Variants in COX10 observed in about 807,000 individuals in gnomAD.
The protein encoded by COX10 is protoheme IX farnesyltransferase, mitochondrial.
Under a neutral mutation model 37.3 loss-of-function variants are expected in COX10, and 27 were observed. The observed-to-expected ratio is 0.72, with a 90% CI of 0.53 to 1.00. COX10 has a LOEUF of 1.00. COX10 is among the 50% of genes least tolerant of loss of function. The probability of loss-of-function intolerance (pLI) is 0.00; values close to 1 mark genes in which losing one functional copy is unlikely to be tolerated. For synonymous variants in COX10, 222 were observed against 229.1 expected (o/e 0.97, Z 0.28); for missense variants, 475 against 563.2 (o/e 0.84, Z 1.59).
chr17:14,176,591 G>A (rs1238585171), intron 5 of COX10, among the ~76,000 whole-genome samples: 2 of 152,096 alleles, frequency 1.3e-5, no homozygotes, highest in Non-Finnish European at 2.9e-5. Context: ...AGTGAACACA[G>A]TCATTATTTT....
intron 3 of COX10, among the ~76,000 whole-genome samples, chr17:14,079,850 ATATATATATG>A (rs1248528634): frequency 3.5e-5 from 1 of 28,982 alleles, no homozygotes; most frequent in Non-Finnish European, 6.7e-5. Context: ...TTTTATATAT[ATATATATATG>A]TATGTATGTA....
At chr17:14,090,103 T>G (rs1446176109) in intron 3 of COX10, among the ~76,000 whole-genome samples, 1 of 151,906 alleles carries the variant, frequency 6.6e-6, no homozygotes, top group Admixed American at 6.6e-5. Context: ...GGGGTCCTCT[T>G]AGATTCTGCA....
intron 4 of COX10, among the ~76,000 whole-genome samples, chr17:14,146,038 G>T (rs1304521603): frequency 6.6e-6 from 1 of 152,004 alleles, no homozygotes; most frequent in African/African-American, 2.4e-5. Context: ...CATTTTGGTA[G>T]AATTTTTTTA....
intron 6 of COX10, among the ~76,000 whole-genome samples, chr17:14,201,854 G>A (rs922504985): frequency 1.3e-5 from 2 of 152,180 alleles, no homozygotes; most frequent in Non-Finnish European, 2.9e-5. Context: ...AAGTCTCAGC[G>A]TGACCCCACG....
At chr17:14,198,106 T>C (rs886430718) in intron 6 of COX10, among the ~76,000 whole-genome samples, 1 of 152,194 alleles carries the variant, frequency 6.6e-6, no homozygotes, top group Non-Finnish European at 1.5e-5. Flanking sequence ...GCCAGCTTGT[T>C]GTCACAGGAA....
intron 4 of COX10, among the ~76,000 whole-genome samples, chr17:14,120,459 A>C (rs1357926592): frequency 6.6e-6 from 1 of 152,220 alleles, no homozygotes; most frequent in Non-Finnish European, 1.5e-5. Flanking sequence ...AAGGTATCAC[A>C]GAAACGGAGG....
chr17:14,165,385 T>G (rs2142243428), intron 5 of COX10, among the ~76,000 whole-genome samples: 1 of 152,304 alleles, frequency 6.6e-6, no homozygotes, highest in East Asian at 1.9e-4. Flanking sequence ...AGCTTTTTTA[T>G]TATTATATCT....
chr17:14,092,544 A>G lies in COX10; in HGVS notation c.500-9574A>G, dbSNP rs146882644. Among the ~76,000 whole-genome samples, 241 of 152,254 alleles carry G rather than the reference A, an allele frequency of 1.6e-3. 2 individuals carry two copies. Among genetic ancestry groups the G allele is most frequent in the African/African-American group, 5.6e-3 (231 of 41,578 alleles). Reference sequence around the variant, plus strand: ...AGGCCCCTGATTGATACCTTTTAATATGGCTGAGAAAAAAATAGCACGTCT... The same window carrying G: ...AGGCCCCTGATTGATACCTTTTAATGTGGCTGAGAAAAAAATAGCACGTCT... On this transcript the variant is annotated intron_variant, in intron 3 of 6. Transcript: ENST00000261643.
At chr17:14,194,582 A>T (rs995482766) in intron 6 of COX10, among the ~76,000 whole-genome samples, 3 of 151,958 alleles carry the variant, frequency 2.0e-5, no homozygotes, top group Non-Finnish European at 2.9e-5. Context: ...GCCCGCCACC[A>T]CGCCCAGCTA....
At chr17:14,203,490 T>TA (rs1906606599) in intron 6 of COX10, among the ~76,000 whole-genome samples, 1 of 152,204 alleles carries the variant, frequency 6.6e-6, no homozygotes, top group Admixed American at 6.5e-5. Flanking sequence ...CCCCGTCTGA[T>TA]AAACGTAACT....
intron 4 of COX10, among the ~76,000 whole-genome samples, chr17:14,125,329 AT>A (rs1916317154): frequency 6.6e-6 from 1 of 152,132 alleles, no homozygotes; most frequent in South Asian, 2.1e-4. Context: ...ACTCTCTAAA[AT>A]GGAATTTTAG....
chr17:14,144,966 G>A (rs1441384548), intron 4 of COX10, among the ~76,000 whole-genome samples: 2 of 152,066 alleles, frequency 1.3e-5, no homozygotes, highest in African/African-American at 4.8e-5. Context: ...CAGGCTAAAC[G>A]TGCTATACAG....
Position 14,120,723 on chromosome 17 carries a change from T to C in COX10, c.624+18481T>C, listed in dbSNP as rs933065725. On this transcript the variant is annotated intron_variant, in intron 4 of 6. Transcript: ENST00000261643. ...AGCACAGTAGCCATGAGAAATCAAA[T>C]TGGAGAGAGAAATAAGTGATGAAAC... Among the ~76,000 whole-genome samples the C allele has an allele frequency of 5.3e-5, 8 of 152,244 alleles. No individual in the cohort carries two copies. In the East Asian group the frequency reaches 5.8e-4, roughly 11 times the overall value.
chr17:14,103,054 AAT>A (rs1011479952), intron 4 of COX10, among the ~76,000 whole-genome samples: 2 of 152,170 alleles, frequency 1.3e-5, no homozygotes, highest in African/African-American at 4.8e-5. Flanking sequence ...ATGGTTCTAC[AAT>A]ATATTGTCAG....
chr17:14,194,386 G>A (rs542418633), intron 6 of COX10, among the ~76,000 whole-genome samples: 1 of 152,316 alleles, frequency 6.6e-6, no homozygotes, highest in African/African-American at 2.4e-5. Flanking sequence ...TTTGTTTAAG[G>A]ATAGTCTGGA....
chr17:14,176,861 G>C (rs1477252022), intron 5 of COX10, among the ~76,000 whole-genome samples: 1 of 151,814 alleles, frequency 6.6e-6, no homozygotes, highest in African/African-American at 2.4e-5. Context: ...AAGTGACCTT[G>C]AATATATGTA....
chr17:14,151,637 A>C (rs1047493152), intron 4 of COX10, among the ~76,000 whole-genome samples: 3 of 151,988 alleles, frequency 2.0e-5, no homozygotes, highest in Non-Finnish European at 4.4e-5. Context: ...ACACCTTACA[A>C]GCATTTAAAT....
At chr17:14,138,547 A>G (rs1046069021) in intron 4 of COX10, among the ~76,000 whole-genome samples, 1 of 152,104 alleles carries the variant, frequency 6.6e-6, no homozygotes, top group African/African-American at 2.4e-5. Context: ...GGTCAGCCCT[A>G]CCGGTTCTTG....
At position 14,207,220 on chromosome 17, in the gene COX10, TGG is replaced by T. The variant is rs1906737329; in HGVS notation, c.*9_*10del. 6.3e-7 allele frequency: 1 copy of T among 1,581,170 alleles called. No homozygotes were observed. Among genetic ancestry groups the T allele is most frequent in the Admixed American group, 1.7e-5 (1 of 58,826 alleles). On this transcript the variant is annotated 3_prime_UTR_variant, in exon 7 of 7. Transcript: ENST00000261643. ...AGGGCCCCCTCCCAGCTGAGAGCAC[TGG>T]GACGCCCACCGCCCCTTTCCCTCCG...
Sources: gnomAD v4.1 joint callset for allele counts (sites outside exome capture counted in the v4.1 genomes callset) on GRCh38, gnomAD v4.1.1 for gene constraint, MANE v1.5 for transcripts, NCBI Gene and HGNC (gene_info 2026-07-23, HGNC 2026-07-21) for gene names.